Variants in BABAM2 observed in about 807,000 individuals in gnomAD.
BABAM2 encodes the protein BRISC and BRCA1-A complex member 2.
Under a neutral mutation model 54.7 loss-of-function variants are expected in BABAM2, and 31 were observed. The ratio of observed to expected loss-of-function variants is 0.57; its 90% confidence interval spans 0.43 to 0.77. The LOEUF (loss-of-function observed/expected upper bound fraction) is 0.77. Ranked by LOEUF, BABAM2 falls within the 30% of genes least tolerant of loss-of-function variation. The pLI is 0.00. For missense variants in BABAM2, 364 were observed against 455.8 expected (o/e 0.80, Z 1.83); for synonymous variants, 167 against 162.9 (o/e 1.03, Z -0.19).
chr2:27,998,472 A>C (rs1371719562), intron 4 of BABAM2, among the ~76,000 whole-genome samples: 2 of 151,660 alleles, frequency 1.3e-5, no homozygotes, highest in East Asian at 3.9e-4. Flanking sequence ...TACATTTTTC[A>C]GTTTTTTTTT....
chr2:28,215,835 A>C (rs2148000171), intron 7 of BABAM2, among the ~76,000 whole-genome samples: 1 of 152,174 alleles, frequency 6.6e-6, no homozygotes, highest in African/African-American at 2.4e-5. Context: ...AGGTTTTCAT[A>C]GTTACCCTGT....
At chr2:28,216,520 C>T (rs1473331886) in intron 7 of BABAM2, among the ~76,000 whole-genome samples, 1 of 152,190 alleles carries the variant, frequency 6.6e-6, no homozygotes, top group Non-Finnish European at 1.5e-5. Context: ...GCCATGACAA[C>T]TCTGTTTTCA....
chr2:28,302,996 A>G (rs1219676234), intron 11 of BABAM2, among the ~76,000 whole-genome samples: 4 of 151,978 alleles, frequency 2.6e-5, no homozygotes, highest in African/African-American at 9.7e-5. Flanking sequence ...TCGTCTTTCA[A>G]TCTGTGGCTT....
chr2:28,199,033 G>A (rs1046634159), intron 7 of BABAM2, among the ~76,000 whole-genome samples: 8 of 152,254 alleles, frequency 5.3e-5, no homozygotes, highest in South Asian at 2.1e-4. Context: ...TTGGTTTGTC[G>A]GCTTGAATGT....
intron 6 of BABAM2, among the ~76,000 whole-genome samples, chr2:28,093,722 A>C (rs1035246728): frequency 2.0e-5 from 3 of 152,238 alleles, no homozygotes; most frequent in African/African-American, 7.2e-5. Context: ...TCTATTAAGC[A>C]AATGATTATT....
intron 6 of BABAM2, among the ~76,000 whole-genome samples, chr2:28,079,507 G>A (rs1664978664): frequency 6.6e-6 from 1 of 152,130 alleles, no homozygotes. Flanking sequence ...AGTAAATATA[G>A]CTTACTAAAG....
chr2:28,282,892 G>C (rs933219505), intron 10 of BABAM2, among the ~76,000 whole-genome samples: 1 of 151,172 alleles, frequency 6.6e-6, no homozygotes, highest in Non-Finnish European at 1.5e-5. Context: ...TCAGCTACTC[G>C]GGAGGCTGAG....
intron 2 of BABAM2, among the ~76,000 whole-genome samples, chr2:27,927,326 G>A (rs1025325901): frequency 5.9e-5 from 9 of 152,170 alleles, no homozygotes; most frequent in Admixed American, 5.2e-4. Flanking sequence ...CCTGTACTTC[G>A]AATAACTTCA....
At chr2:28,028,612 T>C (rs1425696789) in intron 5 of BABAM2, among the ~76,000 whole-genome samples, 1 of 152,208 alleles carries the variant, frequency 6.6e-6, no homozygotes, top group Non-Finnish European at 1.5e-5. Flanking sequence ...ACTTCATTGG[T>C]ATTCCATAAA....
At chr2:28,131,464 C>T (rs1188784242) in intron 7 of BABAM2, among the ~76,000 whole-genome samples, 1 of 152,158 alleles carries the variant, frequency 6.6e-6, no homozygotes, top group Non-Finnish European at 1.5e-5. Flanking sequence ...TGGCATAAGG[C>T]AAGGGCTCTG....
chr2:27,981,448 A>G (rs1419697635), intron 3 of BABAM2, among the ~76,000 whole-genome samples: 1 of 152,146 alleles, frequency 6.6e-6, no homozygotes, highest in Non-Finnish European at 1.5e-5. Context: ...AACCATCACT[A>G]ATTTCAGAAA....
chr2:27,970,391 CTTTA>C (rs1205858252), intron 3 of BABAM2, among the ~76,000 whole-genome samples: 3 of 152,136 alleles, frequency 2.0e-5, no homozygotes, highest in Non-Finnish European at 2.9e-5. Context: ...TCTGTCAACC[CTTTA>C]TTTAATCTAT....
intron 4 of BABAM2, among the ~76,000 whole-genome samples, chr2:27,999,824 T>C (rs1245710982): frequency 6.6e-6 from 1 of 152,246 alleles, no homozygotes; most frequent in Non-Finnish European, 1.5e-5. Context: ...AAAGAATGTG[T>C]AGTTGCTTGC....
At chr2:28,033,132 A>G (rs1048306738) in intron 5 of BABAM2, among the ~76,000 whole-genome samples, 2 of 152,204 alleles carry the variant, frequency 1.3e-5, no homozygotes, top group African/African-American at 4.8e-5. Context: ...AAGAACTGCT[A>G]TTGAAAGTAT....
At chr2:28,117,048 G>A (rs1341226265) in intron 6 of BABAM2, among the ~76,000 whole-genome samples, 1 of 152,228 alleles carries the variant, frequency 6.6e-6, no homozygotes, top group South Asian at 2.1e-4. Flanking sequence ...AAGAGGAGCA[G>A]TGAGTGCAAG....
intron 6 of BABAM2, among the ~76,000 whole-genome samples, chr2:28,046,666 A>G (rs999192761): frequency 6.6e-6 from 1 of 152,296 alleles, no homozygotes; most frequent in African/African-American, 2.4e-5. Context: ...TTGCTTGCAT[A>G]TTATACTAAT....
intron 3 of BABAM2, among the ~76,000 whole-genome samples, chr2:27,963,612 A>C (rs1218019263): frequency 1.3e-5 from 2 of 152,142 alleles, no homozygotes; most frequent in African/African-American, 4.8e-5. Context: ...AGTTATACCA[A>C]ACTAGTCTTA....
At chr2:28,330,402 G>A (rs1572431316) in intron 11 of BABAM2, among the ~76,000 whole-genome samples, 1 of 152,350 alleles carries the variant, frequency 6.6e-6, no homozygotes, top group East Asian at 1.9e-4. Context: ...GTCTGTGTTT[G>A]CAGATGCCAT....
rs71441096 is a variant in BABAM2 at position 27,934,924 on chromosome 2, C to T, written c.205+5016C>T. Among the ~76,000 whole-genome samples, 796 of 152,314 alleles carry T rather than the reference C, an allele frequency of 5.2e-3. 36 individuals carry two copies. In the East Asian group the frequency reaches 0.094, roughly 18 times the overall value. ...ATTTAAGAAAAGAGGCCATTTCTAT[C>T]ACACAGAAGTGCAAGGTGAAGCAGC... On this transcript the variant is annotated intron_variant, in intron 3 of 11. Coordinates refer to ENST00000379624, the MANE Select transcript of BABAM2 (RefSeq NM_199191.3).
Sources: allele counts gnomAD v4.1 joint callset (sites outside exome capture counted in the v4.1 genomes callset), GRCh38; gene constraint gnomAD v4.1.1; transcripts MANE v1.5; gene names NCBI Gene and HGNC (gene_info 2026-07-23, HGNC 2026-07-21).